The following NOS1 variants were observed in gnomAD, a reference collection of about 807,000 sequenced individuals.
NOS1 encodes the protein NOS type I.
A neutral mutation model predicts 164.5 loss-of-function variants in NOS1; 51 were observed. The ratio of observed to expected loss-of-function variants is 0.31; its 90% CI spans 0.25 to 0.39. The LOEUF (loss-of-function observed/expected upper bound fraction) is 0.39, where lower values mean the gene tolerates loss of function less well. Among genes scored for constraint, NOS1 ranks in the 10% least tolerant of loss-of-function variants. The pLI is 1.00. For missense variants in NOS1, 1,362 were observed against 1,885.6 expected (o/e 0.72, Z 5.14); for synonymous variants, 719 against 745.8 (o/e 0.96, Z 0.59).
At chr12:117,352,594 T>C (rs893942606) in intron 1 of NOS1, among the ~76,000 whole-genome samples, 1 of 152,074 alleles carries the variant, frequency 6.6e-6, no homozygotes, top group African/African-American at 2.4e-5. Context: ...CCAGCCTTCA[T>C]AAAGCATGGT....
chr12:117,216,633 C>G (rs923479454), intron 28 of NOS1, among the ~76,000 whole-genome samples: 2 of 152,028 alleles, frequency 1.3e-5, no homozygotes, highest in Admixed American at 1.3e-4. Flanking sequence ...CGCGTGTCAC[C>G]ATGCCCTGCT....
chr12:117,272,255 C>A lies in NOS1; in HGVS notation c.1839+130G>T. 5.3e-6 allele frequency: 5 copies of A among 950,186 alleles called. No homozygotes were observed. In the South Asian group the frequency reaches 7.3e-5, roughly 14 times the overall value. 58.9% of individuals were successfully genotyped at this position (950,186 alleles called of 1,614,324 possible). The stretch of plus-strand genomic sequence containing the variant: ...GCCCCTGGCATTTCCAGGGGCTTCT[C>A]TGGGATTGCAATTCTATTCTAACCC... On this transcript the variant is annotated intron_variant, in intron 10 of 28. Transcript: ENST00000317775. This position sits in a 1 kb window ranked among gnomAD's most constrained non-coding sequence, Gnocchi z 4.3.
rs1412993652 is a variant in NOS1, at chr12:117,234,133, C to A, written c.3235+432G>T. 6.6e-6 allele frequency among the ~76,000 whole-genome samples: 1 copy of A among 152,144 alleles called. No homozygotes were observed. Among genetic ancestry groups the A allele is most frequent in the Non-Finnish European group, 1.5e-5 (1 of 68,014 alleles). On this transcript the variant is annotated intron_variant, in intron 21 of 28. Transcript: ENST00000317775. This position sits in a 1 kb window ranked among gnomAD's most constrained non-coding sequence, Gnocchi z 4.3. ...ATGAGGTAAAAAACGTGGGCTCAATCCCTAGTTGGCCATCGAGCTTCCTAT... is the reference window on the plus strand; with the variant it reads ...ATGAGGTAAAAAACGTGGGCTCAATACCTAGTTGGCCATCGAGCTTCCTAT...
intron 16 of NOS1, chr12:117,255,913 G>A (rs372945962): frequency 5.2e-4 from 745 of 1,442,796 alleles, no homozygotes; most frequent in Non-Finnish European, 4.1e-4. Flanking sequence ...ACACACCTGC[G>A]TGTACACACA....
chr12:117,308,247 C>T (rs377717529), intron 3 of NOS1, among the ~76,000 whole-genome samples: 9 of 152,082 alleles, frequency 5.9e-5, no homozygotes, highest in African/African-American at 2.2e-4. Context: ...GTGACTCACA[C>T]CTATAATCCC....
At position 117,234,799 on chromosome 12, in the gene NOS1, A is replaced by C. The variant is rs1347571289; in HGVS notation, c.3042-41T>G. 1 of 1,537,840 alleles carries C rather than the reference A, an allele frequency of 6.5e-7. No individual in the cohort carries two copies. The highest frequency in any genetic ancestry group is 8.8e-7 in the Non-Finnish European group (1 of 1,130,594). On this transcript the variant is annotated intron_variant, in intron 20 of 28. Coordinates refer to ENST00000317775, the MANE Select transcript of NOS1 (RefSeq NM_000620.5). The surrounding 1 kb of genome is among the most constrained non-coding windows in gnomAD (Gnocchi z 4.3). ...GAGGAATCATAGGACAAGGGCCAGCAGCTACTTCCTCCTTTTTTTGCTCTT... is the reference window on the plus strand; with the variant it reads ...GAGGAATCATAGGACAAGGGCCAGCCGCTACTTCCTCCTTTTTTTGCTCTT...
chr12:117,270,861 C>A (rs969316644), intron 10 of NOS1, among the ~76,000 whole-genome samples: 7 of 151,982 alleles, frequency 4.6e-5, no homozygotes, highest in Admixed American at 2.6e-4. Context: ...CATGGTGAAA[C>A]CTCATCTCTA....
intron 2 of NOS1, among the ~76,000 whole-genome samples, chr12:117,329,874 C>T (rs1268973167): frequency 1.3e-5 from 2 of 152,110 alleles, no homozygotes; most frequent in African/African-American, 2.4e-5. Context: ...TAAGGGTTGC[C>T]CAGGGCTCAG....
chr12:117,302,919 T>C (rs1360090797), intron 3 of NOS1, among the ~76,000 whole-genome samples: 1 of 152,026 alleles, frequency 6.6e-6, no homozygotes, highest in Admixed American at 6.5e-5. Flanking sequence ...CTAATTTTTG[T>C]ATTTTTAGTA....
At chr12:117,277,907 G>A in intron 9 of NOS1, 52 bp downstream of exon 9, 2 of 1,524,912 alleles carry the variant, frequency 1.3e-6, no homozygotes, top group Admixed American at 3.9e-5. Context: ...GGCAAAGAGG[G>A]GCACTGGGCA....
intron 1 of NOS1, among the ~76,000 whole-genome samples, chr12:117,337,877 G>A (rs1435247470): frequency 1.3e-5 from 2 of 152,052 alleles, no homozygotes; most frequent in African/African-American, 2.4e-5. Context: ...CCAGGAGCTT[G>A]AAATCAGCCT....
At chr12:117,266,605 T>G (rs1872437707) in intron 11 of NOS1, among the ~76,000 whole-genome samples, 1 of 151,712 alleles carries the variant, frequency 6.6e-6, no homozygotes, top group African/African-American at 2.4e-5. Context: ...TGGTGCAATC[T>G]CGGCTCGCCG....
intron 1 of NOS1, among the ~76,000 whole-genome samples, chr12:117,352,199 A>ACATACATACATACATG (rs1455494756): frequency 6.6e-6 from 1 of 151,982 alleles, no homozygotes; most frequent in Non-Finnish European, 1.5e-5. Flanking sequence ...ATACATACAT[A>ACATACATACATACATG]CATACATACA....
chr12:117,226,436 AGCCCAGTACAC>A (rs1328572792), intron 24 of NOS1, among the ~76,000 whole-genome samples: 5 of 152,138 alleles, frequency 3.3e-5, no homozygotes, highest in Non-Finnish European at 5.9e-5. Context: ...TCCAGCACCT[AGCCCAGTACAC>A]GCCCAAATGA....
chr12:117,280,383 G>C (rs1873538960), intron 8 of NOS1, among the ~76,000 whole-genome samples: 1 of 152,200 alleles, frequency 6.6e-6, no homozygotes, highest in Non-Finnish European at 1.5e-5. Context: ...TTCCTGGTGA[G>C]AGGCAGGAGA....
intron 1 of NOS1, among the ~76,000 whole-genome samples, chr12:117,341,306 A>G (rs1384703140): frequency 1.3e-5 from 2 of 152,144 alleles, no homozygotes; most frequent in Non-Finnish European, 2.9e-5. Flanking sequence ...GTTTGTCGGA[A>G]CACGGCACAT....
At chr12:117,351,716 C>T (rs1472174493) in intron 1 of NOS1, among the ~76,000 whole-genome samples, 1 of 152,166 alleles carries the variant, frequency 6.6e-6, no homozygotes, top group African/African-American at 2.4e-5. Context: ...CTCAATAATG[C>T]AGTGAAGTAG....
chr12:117,210,090 A>T lies in NOS1; in HGVS notation c.*5219T>A. On this transcript the variant is annotated 3_prime_UTR_variant, in exon 29 of 29. Coordinates refer to ENST00000317775, the MANE Select transcript of NOS1 (RefSeq NM_000620.5). Reference sequence around the variant, plus strand: ...TGGGACCAAGTGATCCTCCTGCCTCAGCCTCCCAAGTAGCTGGGACCACAG... The same window carrying T: ...TGGGACCAAGTGATCCTCCTGCCTCTGCCTCCCAAGTAGCTGGGACCACAG... 2 of 682,458 alleles carry T rather than the reference A, an allele frequency of 2.9e-6. No individual in the cohort carries two copies. Among genetic ancestry groups the T allele is most frequent in the Non-Finnish European group, 3.6e-6 (2 of 553,540 alleles). 42.3% of individuals were successfully genotyped at this position (682,458 alleles called of 1,614,324 possible). A position where few individuals can be genotyped will look rare whatever the true frequency, so the allele number is the denominator to read the frequency against.
rs1387930837 is a variant in NOS1 at position 117,260,693 on chromosome 12, A to G, written c.2223-84T>C. 15 of 1,436,784 alleles carry G rather than the reference A, an allele frequency of 1.0e-5. No individual in the cohort carries two copies. In the South Asian group the frequency reaches 1.5e-4, roughly 15 times the overall value. The allele number at this position is 1,436,784 out of a possible 1,614,324, so 89.0% of individuals were successfully genotyped here. ...GGATTGGGACTTTCGTGCAAGAACC[A>G]GGATCCATGAAATATAACAGAAGAG... On this transcript the variant is annotated intron_variant, in intron 13 of 28. Transcript: ENST00000317775.
Sources: allele counts gnomAD v4.1 joint callset (sites outside exome capture counted in the v4.1 genomes callset), GRCh38; gene constraint gnomAD v4.1.1; non-coding constraint Gnocchi (gnomAD v3.1); transcripts MANE v1.5; gene names NCBI Gene and HGNC (gene_info 2026-07-23, HGNC 2026-07-21).